KYAT1: variants seen among roughly 807,000 people sequenced by gnomAD.
KYAT1 encodes the protein kynurenine aminotransferase 1, also known as kynurenine--oxoglutarate transaminase 1.
In KYAT1, 47 loss-of-function variants were observed where a neutral mutation model predicts 52.4. That is an observed-to-expected ratio of 0.90 (90% CI 0.71 to 1.14). The LOEUF is 1.14. Among genes scored for constraint, KYAT1 ranks in the 50% most tolerant of loss-of-function variants. KYAT1 has a pLI of 0.00. For missense variants in KYAT1, 480 were observed against 557.9 expected, an observed-to-expected ratio of 0.86 and a Z score of 1.41; for synonymous variants, 212 against 209.6, an observed-to-expected ratio of 1.01 and a Z score of -0.10.
chr9:128,858,629 C>T (rs1322164597), intron 1 of KYAT1, among the ~76,000 whole-genome samples: 2 of 148,734 alleles, frequency 1.3e-5, no homozygotes, highest in Non-Finnish European at 3.0e-5. Flanking sequence ...ATCCGAGAGT[C>T]GGAGGTTGCA....
chr9:128,834,031 G>A (rs1190517631), intron 11 of KYAT1, among the ~76,000 whole-genome samples: 1 of 152,232 alleles, frequency 6.6e-6, no homozygotes, highest in Non-Finnish European at 1.5e-5. Context: ...GCTGAGACGG[G>A]TGGATCACCT....
intron 1 of KYAT1, among the ~76,000 whole-genome samples, chr9:128,866,793 CT>C: frequency 6.6e-6 from 1 of 151,686 alleles, no homozygotes; most frequent in South Asian, 2.1e-4. Flanking sequence ...GTAATCCCAG[CT>C]GCTTGGGAGG....
At chr9:128,858,900 C>G (rs112411059) in intron 1 of KYAT1, among the ~76,000 whole-genome samples, 1 of 147,638 alleles carries the variant, frequency 6.8e-6, no homozygotes, top group Non-Finnish European at 1.5e-5. Context: ...CCCAGCTACT[C>G]GGGAGGCTGA....
At chr9:128,842,192 C>CA in intron 3 of KYAT1, 1 of 231,728 alleles carries the variant, frequency 4.3e-6, no homozygotes, top group Non-Finnish European at 9.0e-6. Context: ...GACCTTGTCT[C>CA]AAAAAAGAAA....
chr9:128,838,248 G>A lies in KYAT1; in HGVS notation c.321C>T (p.Ala107=). 6.2e-7 allele frequency: 1 copy of A among 1,614,234 alleles called. No homozygotes were observed. The highest frequency in any genetic ancestry group is 8.5e-7 in the Non-Finnish European group (1 of 1,180,040). Residue 107 remains alanine, a synonymous_variant, in exon 4 of 13, where the codon GCC becomes GCT. Coordinates refer to ENST00000302586, the MANE Select transcript of KYAT1 (RefSeq NM_004059.5). ...TVGGYGALFT[A]FQALVDEGDE... is the part of the protein sequence containing the mutation. Reference sequence around the variant, plus strand: ...CTCCTTCGTCCACCAGGGCCTGGAAGGCTGTGAACAGGGCCCCATAGCCAC... The same window carrying A: ...CTCCTTCGTCCACCAGGGCCTGGAAAGCTGTGAACAGGGCCCCATAGCCAC...
At chr9:128,865,507 C>T (rs1015161490) in intron 1 of KYAT1, among the ~76,000 whole-genome samples, 4 of 149,962 alleles carry the variant, frequency 2.7e-5, no homozygotes, top group Non-Finnish European at 5.9e-5. Context: ...GGATTACAGG[C>T]ATGCACCACC....
chr9:128,850,341 ATGT>A (rs1833787107), intron 1 of KYAT1, among the ~76,000 whole-genome samples: 1 of 152,166 alleles, frequency 6.6e-6, no homozygotes, highest in African/African-American at 2.4e-5. Context: ...CTTTGCTGAG[ATGT>A]TGTTAATTTG....
chr9:128,856,726 A>G (rs965197358), intron 1 of KYAT1, among the ~76,000 whole-genome samples: 3 of 152,204 alleles, frequency 2.0e-5, no homozygotes, highest in Non-Finnish European at 4.4e-5. Context: ...CCATTCTCTA[A>G]TCTCAATAAA....
Position 128,835,873 on chromosome 9 carries a change from A to G in KYAT1, c.766-5T>C, listed in dbSNP as rs1830991351. 1 of 1,613,900 alleles carries G rather than the reference A, an allele frequency of 6.2e-7. No homozygotes were observed. The highest frequency in any genetic ancestry group is 8.5e-7 in the Non-Finnish European group (1 of 1,179,766). On this transcript the variant is annotated splice_polypyrimidine_tract_variant and splice_region_variant and intron_variant, in intron 8 of 12. Coordinates refer to ENST00000302586, the MANE Select transcript of KYAT1 (RefSeq NM_004059.5). Reference sequence around the variant, plus strand: ...TGGACCCAGGACCCAGCCCACCTGCAGCAGGGGCGCAGGTAGGGGGAGAGG... The same window carrying G: ...TGGACCCAGGACCCAGCCCACCTGCGGCAGGGGCGCAGGTAGGGGGAGAGG...
At chr9:128,861,764 T>A (rs940871888) in intron 1 of KYAT1, among the ~76,000 whole-genome samples, 4 of 152,226 alleles carry the variant, frequency 2.6e-5, no homozygotes, top group Admixed American at 6.5e-5. Context: ...GCTAAACGGA[T>A]GAGCGGCCCA....
chr9:128,860,660 G>C (rs1319807254), intron 1 of KYAT1: 1 of 151,756 alleles, frequency 6.6e-6, no homozygotes, highest in Non-Finnish European at 1.5e-5. Context: ...CCGCCTCCTG[G>C]GTTCAAGCGA....
intron 1 of KYAT1, among the ~76,000 whole-genome samples, chr9:128,871,760 C>CAT (rs1160108098): frequency 2.0e-5 from 3 of 152,064 alleles, no homozygotes; most frequent in Non-Finnish European, 2.9e-5. Context: ...AGGATGCATA[C>CAT]ATATATATAC....
intron 1 of KYAT1, among the ~76,000 whole-genome samples, chr9:128,871,783 A>G (rs1043874069): frequency 1.3e-5 from 2 of 152,166 alleles, no homozygotes; most frequent in African/African-American, 4.8e-5. Flanking sequence ...ATACACATAC[A>G]CATACATATT....
At chr9:128,868,144 G>C (rs1013429502) in intron 1 of KYAT1, among the ~76,000 whole-genome samples, 3 of 151,396 alleles carry the variant, frequency 2.0e-5, no homozygotes, top group Admixed American at 2.0e-4. Flanking sequence ...ATAAAATTGA[G>C]AGCCCAGTAA....
chr9:128,873,982 G>A (rs148359179), intron 1 of KYAT1, among the ~76,000 whole-genome samples: 237 of 149,986 alleles, frequency 1.6e-3, no homozygotes, highest in Non-Finnish European at 2.9e-3. Flanking sequence ...GAGGCCGGGC[G>A]TGGTGGTTCA....
At chr9:128,874,225 C>T (rs976351365) in intron 1 of KYAT1, among the ~76,000 whole-genome samples, 1 of 151,034 alleles carries the variant, frequency 6.6e-6, no homozygotes, top group African/African-American at 2.4e-5. Flanking sequence ...CACTGCGCTC[C>T]AGCCTGGGCA....
rs1831382562 is a variant in KYAT1, at chr9:128,837,754, C to T, written c.498G>A (p.Glu166=). The change falls in exon 6 of 13, where the codon GAG becomes GAA. Residue 166 remains glutamate, a synonymous_variant. Coordinates refer to ENST00000302586, the MANE Select transcript of KYAT1 (RefSeq NM_004059.5). ...SSSNWQLDPM[E]LAGKFTSRTK... is the part of the protein sequence containing the mutation. Reference sequence around the variant, plus strand: ...TGCGTGATGTGAATTTGCCGGCCAGCTCCATGGGGTCCAGCTGCCAGTTGC... The same window carrying T: ...TGCGTGATGTGAATTTGCCGGCCAGTTCCATGGGGTCCAGCTGCCAGTTGC... 6.2e-7 allele frequency: 1 copy of T among 1,614,106 alleles called. No homozygotes were observed. The highest frequency in any genetic ancestry group is 8.5e-7 in the Non-Finnish European group (1 of 1,180,010).
intron 1 of KYAT1, among the ~76,000 whole-genome samples, chr9:128,872,349 C>T (rs1489931079): frequency 6.6e-6 from 1 of 151,826 alleles, no homozygotes; most frequent in Non-Finnish European, 1.5e-5. Flanking sequence ...GAGGCTGAGG[C>T]AGGAGAATGG....
intron 2 of KYAT1, 80 bp from the exon 3 acceptor site, chr9:128,842,881 A>G (rs1293889118): frequency 2.0e-6 from 3 of 1,469,834 alleles, no homozygotes; most frequent in Non-Finnish European, 2.8e-6. Flanking sequence ...AAAACTGGAC[A>G]ACCGGCCAGG....
Sources: gnomAD v4.1 joint callset for allele counts (sites outside exome capture counted in the v4.1 genomes callset) on GRCh38, gnomAD v4.1.1 for gene constraint, MANE v1.5 for transcripts, NCBI Gene and HGNC (gene_info 2026-07-23, HGNC 2026-07-21) for gene names.